VSIG4: variants seen among roughly 807,000 people sequenced by gnomAD.
VSIG4 encodes the protein V-set and immunoglobulin domain containing 4, also known as V-set and immunoglobulin domain-containing protein 4.
Under a neutral mutation model 23.4 loss-of-function variants are expected in VSIG4, and 34 were observed. The observed-to-expected ratio is 1.45, with a 90% CI of 1.10 to 1.93. The LOEUF (loss-of-function observed/expected upper bound fraction) is 1.93. VSIG4 is among the 30% of genes most tolerant of loss of function. The probability of loss-of-function intolerance (pLI) is 0.00; values close to 1 mark genes in which losing one functional copy is unlikely to be tolerated. For missense variants in VSIG4, 433 were observed against 310.8 expected (o/e 1.39, Z -2.96); for synonymous variants, 169 against 120.3 (o/e 1.41, Z -2.65).
chrX:66,034,739 C>T (rs1386905016), intron 1 of VSIG4, among the ~76,000 whole-genome samples: 1 of 60,501 alleles, frequency 1.7e-5, no homozygotes, highest in Non-Finnish European at 2.7e-5. Flanking sequence ...TGCTCCTTGG[C>T]GTGTTTGAGA....
rs2085496360 is a variant in VSIG4, at chrX:66,033,799, T to A, written c.87A>T (p.Val29=). 3 of 1,209,579 alleles carry A rather than the reference T, an allele frequency of 2.5e-6. No individual in the cohort carries two copies. Among genetic ancestry groups the A allele is most frequent in the Non-Finnish European group, 3.4e-6 (3 of 894,452 alleles). Reference sequence around the variant, plus strand: ...TCACATCCCCTTTCCAAGGTCCTGTTACACTCTCTGGCACTTCCAGGATGG... The same window carrying A: ...TCACATCCCCTTTCCAAGGTCCTGTAACACTCTCTGGCACTTCCAGGATGG... ...GRPILEVPES[V]TGPWKGDVNL... Residue 29 remains valine (V), a synonymous_variant, in exon 2 of 8, where the codon GTA becomes GTT. Coordinates refer to ENST00000374737, the MANE Select transcript of VSIG4 (RefSeq NM_007268.3).
rs749048274 is a variant in VSIG4, at chrX:66,027,453, C to T, written c.831G>A (p.Gly277=). Residue 277 remains glycine (G), a synonymous_variant, in exon 5 of 8, where the codon GGG becomes GGA. Coordinates refer to ENST00000374737, the MANE Select transcript of VSIG4 (RefSeq NM_007268.3). ...MDGYLGETSA[G]PGKSLPVFAI... ...AAATCCTGACAATATTCCTACCTGG[C>T]CCAGCACTGGTCTCTCCAAGGTAGC... The T allele has an allele frequency of 9.2e-6, 11 of 1,201,425 alleles. No individual in the cohort carries two copies. In the Middle Eastern group the frequency reaches 9.2e-4, roughly 101 times the overall value.
At chrX:66,022,925 G>T in intron 6 of VSIG4, 63 bp from the exon 7 acceptor site, 7 of 1,132,899 alleles carry the variant, frequency 6.2e-6, no homozygotes, top group African/African-American at 1.8e-5. Context: ...GTCAATCATG[G>T]ATCCTGGGTA....
At chrX:66,034,251 C>G (rs2085506576) in intron 1 of VSIG4, among the ~76,000 whole-genome samples, 1 of 112,060 alleles carries the variant, frequency 8.9e-6, no homozygotes, top group African/African-American at 3.2e-5. Context: ...GATGTGGAAG[C>G]AAAAATGCTA....
chrX:66,026,340 C>T (rs1002799018), intron 5 of VSIG4, among the ~76,000 whole-genome samples: 1 of 111,824 alleles, frequency 8.9e-6, no homozygotes, highest in African/African-American at 3.3e-5. Flanking sequence ...TAAGCTGGTA[C>T]AAATCGAAGA....
chrX:66,033,189 C>T (rs1227603644), intron 2 of VSIG4, among the ~76,000 whole-genome samples: 1 of 110,836 alleles, frequency 9.0e-6, no homozygotes, highest in Non-Finnish European at 1.9e-5. Context: ...AGTTGTAAAG[C>T]CCAGAGCCCA....
At chrX:66,027,636 T>A (rs2085408010) in intron 4 of VSIG4, 110 bp from the exon 5 acceptor site, 2 of 594,100 alleles carry the variant, frequency 3.4e-6, no homozygotes, top group South Asian at 5.1e-5. Context: ...GTGCTGTACT[T>A]TCCAGGGTAC....
At chrX:66,022,747 C>A in intron 7 of VSIG4, 94 bp downstream of exon 7, 1 of 1,201,846 alleles carries the variant, frequency 8.3e-7, no homozygotes, top group Non-Finnish European at 1.1e-6. Flanking sequence ...AGGATTGGGT[C>A]TGTGCCACAC....
chrX:66,022,605 C>A, intron 7 of VSIG4, 105 bp from the exon 8 acceptor site: 1 of 1,146,712 alleles, frequency 8.7e-7, no homozygotes, highest in Non-Finnish European at 1.2e-6. Context: ...AGGATCCTAC[C>A]ACCCAGGGAT....
chrX:66,032,651 G>A lies in VSIG4; in HGVS notation c.511C>T (p.Pro171Ser). Residue 171 changes from proline (P) to serine (S), a missense_variant, in exon 3 of 8, where the codon CCT becomes TCT. Coordinates refer to ENST00000374737, the MANE Select transcript of VSIG4 (RefSeq NM_007268.3). ...TTATACCAAATATAACTGATGGGAG[G>A]AGAACCCCGAGCCTGGCATTGAAGG... Reference protein sequence around the residue: ...ISLQCQARGSPPISYIWYKQQ... With the variant: ...ISLQCQARGSSPISYIWYKQQ... The A allele has an allele frequency of 1.7e-6, 2 of 1,211,282 alleles. No homozygotes were observed. The highest frequency in any genetic ancestry group is 2.2e-6 in the Non-Finnish European group (2 of 895,345).
chrX:66,029,308 T>G (rs755074883), intron 3 of VSIG4, among the ~76,000 whole-genome samples: 1 of 111,720 alleles, frequency 9.0e-6, no homozygotes, highest in African/African-American at 3.3e-5. Flanking sequence ...TTGTTCAGTC[T>G]ATTTTTTTTG....
chrX:66,036,795 A>G (rs1397605950), intron 1 of VSIG4, among the ~76,000 whole-genome samples: 1 of 41,034 alleles, frequency 2.4e-5, no homozygotes, highest in African/African-American at 1.2e-4. Context: ...TATATAATAT[A>G]ATATATTATA....
At chrX:66,036,418 C>T (rs1350436707) in intron 1 of VSIG4, among the ~76,000 whole-genome samples, 1 of 104,319 alleles carries the variant, frequency 9.6e-6, no homozygotes, top group Non-Finnish European at 1.9e-5. Context: ...GTAGGAGCCC[C>T]TAATGAGAGC....
Position 66,022,480 on chromosome X carries a change from TTGGCCTCTC to T in VSIG4, c.974_982del (p.Arg325_Ala327del). ...CACCCTCATGGTTTCTCCAGAGTCG[TTGGCCTCTC>T]TGGCATGTGCCCTATGGCCCAAGAG... On this transcript the variant is annotated inframe_deletion, in exon 8 of 8. Transcript: ENST00000374737. 1.7e-6 allele frequency: 2 copies of T among 1,211,665 alleles called. No homozygotes were observed. The highest frequency in any genetic ancestry group is 1.1e-6 in the Non-Finnish European group (1 of 895,490).
At chrX:66,028,558 CT>C (rs34660062) in intron 3 of VSIG4, among the ~76,000 whole-genome samples, 22,918 of 74,111 alleles carry the variant, frequency 0.31, 4,287 homozygotes, top group African/African-American at 0.65. Context: ...ACGTAATCAA[CT>C]TTTTTTTTTT....
chrX:66,028,933 G>A (rs1049425693), intron 3 of VSIG4, among the ~76,000 whole-genome samples: 4 of 111,218 alleles, frequency 3.6e-5, no homozygotes, highest in East Asian at 2.8e-4. Context: ...GATAATAGGC[G>A]AGAAAACAAA....
intron 5 of VSIG4, among the ~76,000 whole-genome samples, chrX:66,025,852 G>T (rs2085383926): frequency 8.9e-6 from 1 of 112,307 alleles, no homozygotes; most frequent in African/African-American, 3.2e-5. Context: ...GCTTCTAGAA[G>T]CCAGAAAAGA....
intron 3 of VSIG4, 53 bp downstream of exon 3, chrX:66,032,415 C>A: frequency 8.6e-7 from 1 of 1,168,577 alleles, no homozygotes; most frequent in African/African-American, 1.8e-5. Flanking sequence ...TTTGAGGTAT[C>A]TTTGTTTCAA....
At chrX:66,035,080 T>G (rs1008186911) in intron 1 of VSIG4, among the ~76,000 whole-genome samples, 11 of 111,196 alleles carry the variant, frequency 9.9e-5, no homozygotes, top group Non-Finnish European at 2.1e-4. Context: ...CTGTCCAGCA[T>G]CAGGACTTCT....
Sources: gnomAD v4.1 joint callset for allele counts (sites outside exome capture counted in the v4.1 genomes callset) on GRCh38, gnomAD v4.1.1 for gene constraint, MANE v1.5 for transcripts, NCBI Gene and HGNC (gene_info 2026-07-23, HGNC 2026-07-21) for gene names.